Variants in GRIP1 observed in about 807,000 individuals in gnomAD.
The protein encoded by GRIP1 is glutamate receptor interacting protein 1, also known as glutamate receptor-interacting protein 1.
A neutral mutation model predicts 129.9 loss-of-function variants in GRIP1; 45 were observed. The ratio of observed to expected loss-of-function variants is 0.35; its 90% CI spans 0.27 to 0.44. GRIP1 has a LOEUF of 0.44. Ranked by LOEUF, GRIP1 falls within the 20% of genes least tolerant of loss-of-function variation. GRIP1 has a pLI of 1.00. For missense variants in GRIP1, 1,196 were observed against 1,396.8 expected (o/e 0.86, Z 2.29); for synonymous variants, 530 against 520.8 (o/e 1.02, Z -0.24).
At chr12:66,824,257 T>G (rs1385778078) in intron 1 of GRIP1, among the ~76,000 whole-genome samples, 1 of 151,892 alleles carries the variant, frequency 6.6e-6, no homozygotes, top group Non-Finnish European at 1.5e-5. Context: ...CAAGGTGGAG[T>G]GCAAAGAAGC....
At chr12:66,451,798 G>A (rs1279237209) in intron 11 of GRIP1, among the ~76,000 whole-genome samples, 1 of 152,204 alleles carries the variant, frequency 6.6e-6, no homozygotes, top group Non-Finnish European at 1.5e-5. Flanking sequence ...CAGGAACGCA[G>A]TAGAGGTGGC....
chr12:66,541,856 C>A lies in GRIP1; in HGVS notation c.231G>T (p.Lys77Asn), dbSNP rs778235320. 6.2e-7 allele frequency: 1 copy of A among 1,614,124 alleles called. No individual in the cohort carries two copies. Among genetic ancestry groups the A allele is most frequent in the Non-Finnish European group, 8.5e-7 (1 of 1,179,950 alleles). Reference protein sequence around the residue: ...TVSGGIDKDGKPRVSNLRQGG... With the variant: ...TVSGGIDKDGNPRVSNLRQGG... ...CTTGCCGCAGATTAGATACTCTTGG[C>A]TTGCCATCCTTATCAATTCCTCCCG... Residue 77 changes from lysine (K) to asparagine (N), a missense_variant, in exon 3 of 25, where the codon AAG (lysine) becomes AAT (asparagine). Lys to Asn is a moderately conservative substitution (Grantham distance 94). Coordinates refer to ENST00000359742, the MANE Select transcript of GRIP1 (RefSeq NM_001366722.1).
chr12:66,802,040 C>T lies in GRIP1; in HGVS notation c.-420+2013G>A, dbSNP rs12310201. Reference sequence around the variant, plus strand: ...CACTCTTTAATGCTTTTCTACAGCTCTAAGATGTAAGTGGATGTCTCCCCT... The same window carrying T: ...CACTCTTTAATGCTTTTCTACAGCTTTAAGATGTAAGTGGATGTCTCCCCT... On this transcript the variant is annotated intron_variant, in intron 1 of 4. Coordinates refer to the GRIP1 transcript ENST00000538373. Among the ~76,000 whole-genome samples the T allele has an allele frequency of 1.2e-4, 18 of 152,270 alleles. No individual in the cohort carries two copies. In the East Asian group the frequency reaches 2.9e-3, roughly 24 times the overall value.
chr12:66,825,141 A>G (rs758120220), intron 1 of GRIP1, among the ~76,000 whole-genome samples: 2 of 152,190 alleles, frequency 1.3e-5, no homozygotes, highest in Non-Finnish European at 2.9e-5. Flanking sequence ...TTTTCAATTT[A>G]CACTATTCTT....
At chr12:66,645,177 C>T (rs1248991123) in intron 1 of GRIP1, among the ~76,000 whole-genome samples, 1 of 152,144 alleles carries the variant, frequency 6.6e-6, no homozygotes, top group Non-Finnish European at 1.5e-5. Flanking sequence ...AATTTTTCTG[C>T]CATCTGCATA....
intron 1 of GRIP1, among the ~76,000 whole-genome samples, chr12:66,792,985 T>A (rs564925696): frequency 2.0e-5 from 3 of 152,200 alleles, no homozygotes; most frequent in Non-Finnish European, 2.9e-5. Context: ...TGTAAGTATT[T>A]ACTTTATTCA....
intron 14 of GRIP1, among the ~76,000 whole-genome samples, chr12:66,429,518 G>A (rs1018278339): frequency 6.6e-6 from 1 of 151,892 alleles, no homozygotes; most frequent in Non-Finnish European, 1.5e-5. Context: ...GCAACACAGT[G>A]AGACTTTATC....
intron 4 of GRIP1, among the ~76,000 whole-genome samples, chr12:66,532,369 T>C (rs1310020243): frequency 6.6e-6 from 1 of 152,120 alleles, no homozygotes; most frequent in South Asian, 2.1e-4. Context: ...GAAACCAAAT[T>C]CACAATGCAA....
intron 1 of GRIP1, among the ~76,000 whole-genome samples, chr12:66,693,393 T>C (rs1246927025): frequency 6.6e-6 from 1 of 152,196 alleles, no homozygotes; most frequent in African/African-American, 2.4e-5. Context: ...CAACTCTCAG[T>C]TGGGGCTGGA....
At chr12:66,935,915 A>G (rs1434191608) in intron 1 of GRIP1, among the ~76,000 whole-genome samples, 4 of 152,196 alleles carry the variant, frequency 2.6e-5, no homozygotes, top group Non-Finnish European at 5.9e-5. Context: ...ATTTTGTCTG[A>G]CTATTAAGAT....
At chr12:66,761,444 AC>A (rs2037472826) in intron 1 of GRIP1, among the ~76,000 whole-genome samples, 1 of 152,058 alleles carries the variant, frequency 6.6e-6, no homozygotes, top group South Asian at 2.1e-4. Context: ...TACTGCCTCA[AC>A]CCCAGACTTA....
chr12:66,945,833 G>GA (rs1396583271), intron 1 of GRIP1, among the ~76,000 whole-genome samples: 2 of 152,212 alleles, frequency 1.3e-5, no homozygotes, highest in African/African-American at 2.4e-5. Flanking sequence ...CACATCCTAT[G>GA]AAAAAAATCC....
intron 1 of GRIP1, among the ~76,000 whole-genome samples, chr12:66,706,764 T>C (rs1193184963): frequency 6.6e-6 from 1 of 151,784 alleles, no homozygotes; most frequent in African/African-American, 2.4e-5. Context: ...ACTAACACAA[T>C]AACAGAAAAC....
At chr12:66,385,853 C>A (rs565608405) in intron 19 of GRIP1, among the ~76,000 whole-genome samples, 2 of 152,246 alleles carry the variant, frequency 1.3e-5, no homozygotes, top group African/African-American at 4.8e-5. Context: ...CAAGTGATTG[C>A]CTGCCTTGGC....
intron 16 of GRIP1, among the ~76,000 whole-genome samples, chr12:66,396,984 G>C (rs1169930067): frequency 6.6e-6 from 1 of 151,752 alleles, no homozygotes; most frequent in Non-Finnish European, 1.5e-5. Context: ...GGTGCCTCGT[G>C]CCTGTAGTCC....
At chr12:67,023,870 T>C (rs773286012) in intron 1 of GRIP1, among the ~76,000 whole-genome samples, 6 of 152,150 alleles carry the variant, frequency 3.9e-5, no homozygotes, top group African/African-American at 7.2e-5. Flanking sequence ...GACCCAAAGC[T>C]AGTTCCCTCT....
intron 1 of GRIP1, among the ~76,000 whole-genome samples, chr12:66,911,385 G>C (rs1286007943): frequency 6.6e-6 from 1 of 152,200 alleles, no homozygotes; most frequent in African/African-American, 2.4e-5. Context: ...TATACACAGA[G>C]TCAGTCCACT....
intron 11 of GRIP1, among the ~76,000 whole-genome samples, chr12:66,448,237 T>C (rs554334730): frequency 1.3e-5 from 2 of 152,006 alleles, no homozygotes; most frequent in East Asian, 2.0e-4. Flanking sequence ...CCACTACTAT[T>C]TCTGTGAACA....
At chr12:66,418,593 G>C (rs2057693055) in intron 15 of GRIP1, among the ~76,000 whole-genome samples, 1 of 151,862 alleles carries the variant, frequency 6.6e-6, no homozygotes, top group Non-Finnish European at 1.5e-5. Context: ...AAGTCTATAG[G>C]AAAAAACAAT....
Sources: gnomAD v4.1 joint callset for allele counts (sites outside exome capture counted in the v4.1 genomes callset) on GRCh38, gnomAD v4.1.1 for gene constraint, MANE v1.5 for transcripts, NCBI Gene and HGNC (gene_info 2026-07-23, HGNC 2026-07-21) for gene names.